Variants in CHD4 observed in about 807,000 individuals in gnomAD.
The protein encoded by CHD4 is chromodomain helicase DNA binding protein 4.
CHD4 carries 35 observed loss-of-function variants against 235.5 expected under a neutral mutation model. The ratio of observed to expected loss-of-function variants is 0.15; its 90% CI spans 0.11 to 0.20. The LOEUF is 0.20. CHD4 is among the 10% of genes least tolerant of loss of function. The probability of loss-of-function intolerance (pLI) is 1.00; values close to 1 mark genes in which losing one functional copy is unlikely to be tolerated. For synonymous variants in CHD4, 900 were observed against 850.2 expected, an observed-to-expected ratio of 1.06 and a Z score of -1.02; for missense variants, 1,329 against 2,432.3, an observed-to-expected ratio of 0.55 and a Z score of 9.54.
In CHD4 at chr12:6,601,523, T is replaced by C. The variant is rs1266083901; in HGVS notation, c.565A>G (p.Ile189Val). 3.1e-6 allele frequency: 5 copies of C among 1,614,134 alleles called. No individual in the cohort carries two copies. The highest frequency in any genetic ancestry group is 4.2e-6 in the Non-Finnish European group (5 of 1,180,026). The change falls in exon 6 of 40, where the codon ATT becomes GTT. Residue 189 changes from isoleucine to valine, a missense_variant. Coordinates refer to ENST00000544040, the MANE Select transcript of CHD4 (RefSeq NM_001273.5). Reference sequence around the variant, plus strand: ...GCAATCTTGGGATTTTTGGCAGCAATGAGGGGTCTGGTGGAGAAATGCACA... The same window carrying C: ...GCAATCTTGGGATTTTTGGCAGCAACGAGGGGTCTGGTGGAGAAATGCACA... ...KAFSQFVRPL[I>V]AAKNPKIAVS...
At chr12:6,588,929 A>C (rs1948346133) in intron 22 of CHD4, among the ~76,000 whole-genome samples, 1 of 152,154 alleles carries the variant, frequency 6.6e-6, no homozygotes, top group South Asian at 2.1e-4. Context: ...TGGGCAACAG[A>C]GCAAGACCCT....
intron 31 of CHD4, 61 bp downstream of exon 31, chr12:6,581,588 G>A (rs751520080): frequency 1.2e-6 from 2 of 1,608,616 alleles, no homozygotes; most frequent in East Asian, 2.2e-5. Flanking sequence ...GCACAGGGGA[G>A]CAGAAAAATA....
intron 22 of CHD4, among the ~76,000 whole-genome samples, chr12:6,589,311 T>C (rs1392668038): frequency 6.6e-6 from 1 of 152,200 alleles, no homozygotes; most frequent in East Asian, 1.9e-4. Context: ...GACACTGACA[T>C]AGTCTCAAAT....
chr12:6,605,574 G>T (rs1948679541), intron 2 of CHD4, among the ~76,000 whole-genome samples: 1 of 152,130 alleles, frequency 6.6e-6, no homozygotes, highest in Non-Finnish European at 1.5e-5. Flanking sequence ...AGAGACAGAA[G>T]CCACTAGGAA....
intron 38 of CHD4, 108 bp from the exon 39 acceptor site, chr12:6,571,140 G>A (rs1377109154): frequency 3.8e-6 from 5 of 1,312,946 alleles, no homozygotes; most frequent in South Asian, 1.4e-5. Flanking sequence ...TAACTGTGAT[G>A]TATTGTCTTC....
intron 10 of CHD4, among the ~76,000 whole-genome samples, chr12:6,599,401 C>T (rs749962700): frequency 1.1e-4 from 16 of 151,826 alleles, no homozygotes; most frequent in Non-Finnish European, 2.1e-4. Flanking sequence ...GACTGCACCA[C>T]TGCACTCTAG....
chr12:6,606,611 G>A lies in CHD4; in HGVS notation c.-78-160C>T, dbSNP rs1036327873. The A allele has an allele frequency of 1.3e-5, 5 of 399,662 alleles. No homozygotes were observed. In the Admixed American group the frequency reaches 1.4e-4, roughly 11 times the overall value. The allele number at this position is 399,662 out of a possible 1,614,324, so 24.8% of individuals were successfully genotyped here. ...GTTCCACACTCCTCGGGGGCAGCCC[G>A]GAAGCCGGCTCCCCGGCAGGCGCCC... On this transcript the variant is annotated intron_variant, in intron 1 of 39. Coordinates refer to ENST00000544040, the MANE Select transcript of CHD4 (RefSeq NM_001273.5).
At chr12:6,572,764 G>A (rs1210215654) in intron 38 of CHD4, among the ~76,000 whole-genome samples, 1 of 152,096 alleles carries the variant, frequency 6.6e-6, no homozygotes, top group African/African-American at 2.4e-5. Context: ...GTTTCACCAT[G>A]TTGGCCAGGC....
rs1948422931 is a variant in CHD4, at chr12:6,592,795, T to C, written c.2675A>G (p.Tyr892Cys). 6.2e-7 allele frequency: 1 copy of C among 1,612,974 alleles called. No homozygotes were observed. The highest frequency in any genetic ancestry group is 1.7e-5 in the Admixed American group (1 of 59,876). ...QSKFFRVLNG[Y>C]SLQHKLLLTG... ...CAGCAACAGCTTGTGCTGGAGTGAG[T>C]AACCATTCAATACCCGGAAGAACTG... Residue 892 changes from tyrosine (Y) to cysteine (C), a missense_variant, in exon 18 of 40, where the codon TAC becomes TGC. Around this residue, in one of 26 missense-constraint regions of CHD4, gnomAD observed 78 missense variants for 174.8 expected, o/e 0.45. Coordinates refer to ENST00000544040, the MANE Select transcript of CHD4 (RefSeq NM_001273.5).
intron 17 of CHD4, 103 bp from the exon 18 acceptor site, chr12:6,592,920 C>T: frequency 9.9e-6 from 15 of 1,518,708 alleles, no homozygotes; most frequent in Admixed American, 2.0e-5. Context: ...AAGCATCCCA[C>T]TCCTCACATT....
chr12:6,586,278 T>C (rs1948292760), intron 25 of CHD4, among the ~76,000 whole-genome samples: 1 of 147,484 alleles, frequency 6.8e-6, no homozygotes, highest in South Asian at 2.1e-4. Context: ...CAGGCACCTG[T>C]AGTCCCCAGC....
rs758596073 is a variant in CHD4 at position 6,601,956 on chromosome 12, G to C, written c.438+4C>G. ...TACAAAGAAGAGGATGGAGGTCCAG[G>C]CACCTTTGAATCATCATCATCATCC... is the stretch of plus-strand genomic sequence containing the variant. On this transcript the variant is annotated splice_donor_region_variant and intron_variant, in intron 4 of 39. Coordinates refer to ENST00000544040, the MANE Select transcript of CHD4 (RefSeq NM_001273.5). 3 of 1,607,370 alleles carry C rather than the reference G, an allele frequency of 1.9e-6. No individual in the cohort carries two copies. The highest frequency in any genetic ancestry group is 1.3e-5 in the African/African-American group (1 of 74,850).
intron 14 of CHD4, 46 bp downstream of exon 14, chr12:6,595,288 A>G (rs748453042): frequency 6.8e-7 from 1 of 1,469,886 alleles, no homozygotes; most frequent in Non-Finnish European, 9.5e-7. Flanking sequence ...CAGCAAAGAT[A>G]CATTGTCCTA....
At position 6,599,923 on chromosome 12, in the gene CHD4, C is replaced by G; in HGVS notation, c.1332G>C (p.Glu444Asp). The G allele has an allele frequency of 1.2e-6, 2 of 1,614,150 alleles. No homozygotes were observed. The highest frequency in any genetic ancestry group is 1.7e-6 in the Non-Finnish European group (2 of 1,180,012). Reference protein sequence around the residue: ...LEEVGGDLEEEDDHHMEFCRV... With the variant: ...LEEVGGDLEEDDDHHMEFCRV... ...GACAGAATTCCATATGGTGGTCATC[C>G]TCCTCTTCGAGGTCTCCCCCAACCT... The change falls in exon 10 of 40, where the codon GAG becomes GAC. Residue 444 changes from glutamate (E) to aspartate (D), a missense_variant. Around this residue, in one of 26 missense-constraint regions of CHD4, gnomAD observed 37 missense variants for 49.9 expected, o/e 0.74. Coordinates refer to ENST00000544040, the MANE Select transcript of CHD4 (RefSeq NM_001273.5).
chr12:6,601,514 T>C lies in CHD4; in HGVS notation c.574A>G (p.Lys192Glu). The C allele has an allele frequency of 6.2e-7, 1 of 1,614,172 alleles. No homozygotes were observed. The highest frequency in any genetic ancestry group is 8.5e-7 in the Non-Finnish European group (1 of 1,180,038). ...SQFVRPLIAAKNPKIAVSKMM... is the reference protein window; with the variant it reads ...SQFVRPLIAAENPKIAVSKMM... ...TTGGAGACAGCAATCTTGGGATTTTTGGCAGCAATGAGGGGTCTGGTGGAG... is the reference window on the plus strand; with the variant it reads ...TTGGAGACAGCAATCTTGGGATTTTCGGCAGCAATGAGGGGTCTGGTGGAG... Residue 192 changes from lysine to glutamate, a missense_variant, in exon 6 of 40, where the codon AAA (lysine) becomes GAA (glutamate). Lys to Glu is a moderately conservative substitution (Grantham distance 56). Transcript: ENST00000544040.
chr12:6,573,295 G>C, intron 37 of CHD4, 26 bp from the exon 38 acceptor site: 1 of 1,506,034 alleles, frequency 6.6e-7, no homozygotes, highest in South Asian at 1.4e-5. Context: ...GAGGAAACGG[G>C]AGTTCGACTG....
chr12:6,606,393 G>C lies in CHD4; in HGVS notation c.-20C>G. 1 of 1,552,868 alleles carries C rather than the reference G, an allele frequency of 6.4e-7. No individual in the cohort carries two copies. The highest frequency in any genetic ancestry group is 8.7e-7 in the Non-Finnish European group (1 of 1,147,638). ...CGCCATCCCCTTCCGCTCCCGGCCA[G>C]GGAATTGGCCCAGCTGCTCCTGCCG... On this transcript the variant is annotated 5_prime_UTR_variant, in exon 2 of 40. Transcript: ENST00000544040.
chr12:6,604,118 A>C (rs1948647542), intron 2 of CHD4, among the ~76,000 whole-genome samples: 1 of 151,948 alleles, frequency 6.6e-6, no homozygotes, highest in South Asian at 2.1e-4. Flanking sequence ...CTACTAAAAA[A>C]ACAAAAATTA....
intron 22 of CHD4, 73 bp downstream of exon 22, chr12:6,591,393 T>C (rs753501080): frequency 1.7e-4 from 192 of 1,159,070 alleles, no homozygotes; most frequent in Non-Finnish European, 2.3e-4. Context: ...GAAAAGGAGA[T>C]GCACAAGAAG....
Sources: gnomAD v4.1 joint callset for allele counts (sites outside exome capture counted in the v4.1 genomes callset) on GRCh38, gnomAD v4.1.1 for gene constraint, gnomAD v4.1.1 regional missense constraint, MANE v1.5 for transcripts, NCBI Gene and HGNC (gene_info 2026-07-23, HGNC 2026-07-21) for gene names.